CEP95: variants seen among roughly 807,000 people sequenced by gnomAD.
CEP95 encodes centrosomal protein of 95 kDa.
CEP95 carries 98 observed loss-of-function variants against 111.2 expected under a neutral mutation model. The observed-to-expected ratio is 0.88, with a 90% CI of 0.75 to 1.04. The LOEUF (loss-of-function observed/expected upper bound fraction) is 1.04, where lower values mean the gene tolerates loss of function less well. CEP95 is among the 50% of genes least tolerant of loss of function. CEP95 has a pLI of 0.00. For synonymous variants in CEP95, 323 were observed against 327.1 expected (o/e 0.99, Z 0.14); for missense variants, 1,027 against 977.2 (o/e 1.05, Z -0.68).
chr17:64,513,273 C>T (rs1156484253), intron 3 of CEP95, among the ~76,000 whole-genome samples: 6 of 152,166 alleles, frequency 3.9e-5, no homozygotes, highest in African/African-American at 7.2e-5. Flanking sequence ...TGTCAAATTT[C>T]TACACTGCTT....
chr17:64,507,749 A>C, intron 1 of CEP95: 1 of 985,740 alleles, frequency 1.0e-6, no homozygotes, highest in Middle Eastern at 5.2e-4. Context: ...ATGTGCATGG[A>C]AAATACACTC....
chr17:64,530,948 G>T lies in CEP95; in HGVS notation c.1469G>T (p.Arg490Met). ...QAQAFTEAFE[R>M]ELRRHKVQEN... ...TAGGCGTTTACTGAAGCATTTGAAA[G>T]GGAACTAAGAAGACATAAAGTTCAA... Residue 490 changes from arginine to methionine, a missense_variant, in exon 13 of 20, where the codon AGG becomes ATG. Transcript: ENST00000556440. 6.4e-7 allele frequency: 1 copy of T among 1,556,902 alleles called. No individual in the cohort carries two copies. The highest frequency in any genetic ancestry group is 1.9e-5 in the Admixed American group (1 of 51,690).
chr17:64,507,506 A>G (rs2038621281), intron 1 of CEP95: 1 of 1,161,078 alleles, frequency 8.6e-7, no homozygotes, highest in Non-Finnish European at 1.1e-6. Flanking sequence ...TTAAAGGAAC[A>G]GCATTCTTAA....
At chr17:64,511,899 C>T (rs547622545) in intron 3 of CEP95, among the ~76,000 whole-genome samples, 2 of 152,282 alleles carry the variant, frequency 1.3e-5, no homozygotes, top group East Asian at 3.9e-4. Flanking sequence ...TCAGCCGGTC[C>T]CTCTGTTTGG....
At chr17:64,522,975 A>G in intron 8 of CEP95, 80 bp downstream of exon 8, 1 of 1,118,652 alleles carries the variant, frequency 8.9e-7, no homozygotes, top group South Asian at 1.5e-5. Context: ...ATTGATTAGA[A>G]GGCCGTGTGT....
intron 17 of CEP95, 84 bp from the exon 18 acceptor site, chr17:64,536,518 C>G (rs1968666825): frequency 1.1e-6 from 1 of 947,912 alleles, no homozygotes; most frequent in African/African-American, 1.7e-5. Flanking sequence ...AAAAAAAAAC[C>G]TTGGGAAATA....
intron 8 of CEP95, among the ~76,000 whole-genome samples, chr17:64,525,141 G>C (rs1031643309): frequency 5.3e-5 from 8 of 152,108 alleles, no homozygotes; most frequent in Non-Finnish European, 1.2e-4. Flanking sequence ...AGGAGTTCGA[G>C]ACCAGCCTGG....
chr17:64,507,917 C>T lies in CEP95; in HGVS notation c.20-675C>T, dbSNP rs77981754. The stretch of plus-strand genomic sequence containing the variant: ...ACAGAAACCGTTAAACTTTGCAAAT[C>T]CCAGCAATATCTAGGGGAGAGGAGA... On this transcript the variant is annotated intron_variant, in intron 1 of 19. Transcript: ENST00000556440. 2,774 of 985,302 alleles carry T rather than the reference C, an allele frequency of 2.8e-3. 57 individuals carry two copies. In the African/African-American group the frequency reaches 0.045, roughly 16 times the overall value. The allele number at this position is 985,302 out of a possible 1,614,324, so 61.0% of individuals were successfully genotyped here. A position where few individuals can be genotyped will look rare whatever the true frequency, so the allele number is the denominator to read the frequency against.
chr17:64,535,038 G>A (rs1968555908), intron 17 of CEP95: 1 of 371,788 alleles, frequency 2.7e-6, no homozygotes, highest in East Asian at 6.4e-5. Flanking sequence ...ACATGTGAGA[G>A]ACAAATTTAG....
chr17:64,519,244 C>T (rs1262264859), intron 5 of CEP95, 77 bp from the exon 6 acceptor site: 5 of 866,178 alleles, frequency 5.8e-6, no homozygotes, highest in Non-Finnish European at 9.5e-6. Context: ...TTTTCTGCAC[C>T]CAGCAGCTCT....
chr17:64,506,996 G>T lies in CEP95; in HGVS notation c.-102G>T. On this transcript the variant is annotated 5_prime_UTR_variant, in exon 1 of 20. Transcript: ENST00000556440. The stretch of plus-strand genomic sequence containing the variant: ...CGCCTCCTTCCCCGCGCTTTGGTTC[G>T]TGCGTCCGCGCCCCAGTGTCGGGTC... 1.5e-6 allele frequency: 2 copies of T among 1,375,028 alleles called. No homozygotes were observed. Among genetic ancestry groups the T allele is most frequent in the South Asian group, 1.2e-5 (1 of 80,554 alleles). 85.2% of individuals were successfully genotyped at this position (1,375,028 alleles called of 1,614,324 possible).
rs1555676408 is a variant in CEP95, at chr17:64,516,808, GA to G, written c.457del (p.Arg153GlufsTer41). ...GTACTAAAGAATCTAAATCATCATG[GA>G]AAAGAGTTTCTTTTGGGAGGTAGCA... is the stretch of plus-strand genomic sequence containing the variant. ...ESTKESKSSWKRVSFGRCSLS... is the reference protein window; with the variant it reads ...ESTKESKSSWXRVSFGRCSLS... On this transcript the variant is annotated frameshift_variant, in exon 5 of 20. Coordinates refer to ENST00000556440, the MANE Select transcript of CEP95 (RefSeq NM_138363.3). LOFTEE classifies it high-confidence loss of function. 6.2e-7 allele frequency: 1 copy of G among 1,605,664 alleles called. No individual in the cohort carries two copies. The highest frequency in any genetic ancestry group is 8.5e-7 in the Non-Finnish European group (1 of 1,172,810).
chr17:64,528,377 G>GCTAATTTCTAGGCACCCTCATCC (rs1190023875), intron 11 of CEP95, among the ~76,000 whole-genome samples: 11 of 151,996 alleles, frequency 7.2e-5, no homozygotes, highest in Non-Finnish European at 1.6e-4. Context: ...AAAGGACTCA[G>GCTAATTTCTAGGCACCCTCATCC]CTAATTTCTA....
At position 64,536,768 on chromosome 17, in the gene CEP95, T is replaced by G. The variant is rs782732863; in HGVS notation, c.2217+20T>G. ...GACCAGGTGGGCTCCTGGCACTTGCTTACGCTGTTGTGCTTAGTCCTGACC... is the reference window on the plus strand; with the variant it reads ...GACCAGGTGGGCTCCTGGCACTTGCGTACGCTGTTGTGCTTAGTCCTGACC... On this transcript the variant is annotated intron_variant, in intron 18 of 19. Coordinates refer to ENST00000556440, the MANE Select transcript of CEP95 (RefSeq NM_138363.3). 1 of 1,589,054 alleles carries G rather than the reference T, an allele frequency of 6.3e-7. No individual in the cohort carries two copies. The highest frequency in any genetic ancestry group is 1.2e-5 in the South Asian group (1 of 85,972).
At chr17:64,516,357 TTA>T (rs2039144517) in intron 4 of CEP95, among the ~76,000 whole-genome samples, 1 of 152,186 alleles carries the variant, frequency 6.6e-6, no homozygotes, top group African/African-American at 2.4e-5. Context: ...TAAGGCATGA[TTA>T]TCTTGGAGCT....
Position 64,527,112 on chromosome 17 carries a change from T to C in CEP95, c.1154T>C (p.Met385Thr), listed in dbSNP as rs1825535773. 5 of 1,609,538 alleles carry C rather than the reference T, an allele frequency of 3.1e-6. No homozygotes were observed. Among genetic ancestry groups the C allele is most frequent in the South Asian group, 2.2e-5 (2 of 90,452 alleles). The change falls in exon 11 of 20, where the codon ATG becomes ACG. Residue 385 changes from methionine (M) to threonine (T), a missense_variant and splice_region_variant. Physicochemically the swap from Met to Thr is moderately conservative, Grantham distance 81 (BLOSUM62 -1). Coordinates refer to ENST00000556440, the MANE Select transcript of CEP95 (RefSeq NM_138363.3). ...LSQRLSELDW[M>T]LKSALGDRIK... ...TGTTGAAAAGAATTTTCTCAATAGA[T>C]GTTAAAAAGTGCTCTGGGTGATCGG...
intron 1 of CEP95, chr17:64,508,115 G>A (rs79612296): frequency 0.031 from 30,879 of 985,132 alleles, 754 homozygotes; most frequent in African/African-American, 0.12. Context: ...CACTTTTTCC[G>A]GCACCAGAGA....
intron 1 of CEP95, 174 bp downstream of exon 1, chr17:64,507,290 T>C (rs2038601828): frequency 7.5e-6 from 11 of 1,467,574 alleles, no homozygotes; most frequent in Non-Finnish European, 9.9e-6. Flanking sequence ...ACCTCTTCGC[T>C]TCGAGGCCGT....
At position 64,536,735 on chromosome 17, in the gene CEP95, A is replaced by G; in HGVS notation, c.2204A>G (p.Tyr735Cys). ...GATGAACTGGACTCCATGGAGAACT[A>G]CTATAAGGACCAGGTGGGCTCCTGG... ...HQDELDSMEN[Y>C]YKDQFSLLAE... is the part of the protein sequence containing the mutation. The change falls in exon 18 of 20, where the codon TAC becomes TGC. Residue 735 changes from tyrosine to cysteine, a missense_variant. Coordinates refer to ENST00000556440, the MANE Select transcript of CEP95 (RefSeq NM_138363.3). 6.2e-7 allele frequency: 1 copy of G among 1,604,182 alleles called. No individual in the cohort carries two copies. Among genetic ancestry groups the G allele is most frequent in the Non-Finnish European group, 8.5e-7 (1 of 1,177,340 alleles).
Sources: allele counts gnomAD v4.1 joint callset (sites outside exome capture counted in the v4.1 genomes callset), GRCh38; gene constraint gnomAD v4.1.1; transcripts MANE v1.5; gene names NCBI Gene and HGNC (gene_info 2026-07-23, HGNC 2026-07-21).